KIF1A: variants seen among roughly 807,000 people sequenced by gnomAD.
KIF1A encodes kinesin-like protein KIF1A.
Under a neutral mutation model 227.3 loss-of-function variants are expected in KIF1A, and 46 were observed. The observed-to-expected ratio is 0.20, with a 90% CI of 0.16 to 0.26. The LOEUF is 0.26. Among genes scored for constraint, KIF1A ranks in the 10% least tolerant of loss-of-function variants. The pLI, the probability that KIF1A is intolerant of heterozygous loss-of-function variation, is 1.00. For synonymous variants in KIF1A, 1,022 were observed against 1,012.8 expected, an observed-to-expected ratio of 1.01 and a Z score of -0.17; for missense variants, 1,683 against 2,485.9, an observed-to-expected ratio of 0.68 and a Z score of 6.87.
At chr2:240,780,848 C>CCA (rs1372214850) in intron 10 of KIF1A, among the ~76,000 whole-genome samples, 22 of 20,244 alleles carry the variant, frequency 1.1e-3, no homozygotes, top group East Asian at 6.8e-3. Flanking sequence ...ACACACAGCT[C>CCA]CACACACACA....
Position 240,766,889 on chromosome 2 carries a change from G to A in KIF1A, c.1684+26C>T, listed in dbSNP as rs200395499. ...CATCACGGCACAGGGGCATGGGTGC[G>A]GGTAGGGACGGTAGGGTGGTGATAC... On this transcript the variant is annotated intron_variant, in intron 19 of 48. Coordinates refer to ENST00000498729, the MANE Select transcript of KIF1A (RefSeq NM_001244008.2). The surrounding 1 kb of genome is among the most constrained non-coding windows in gnomAD (Gnocchi z 5.0). The A allele has an allele frequency of 7.0e-5, 106 of 1,512,102 alleles. No homozygotes were observed. The Admixed American group carries it at 8.3e-4, about 12-fold the overall frequency. The allele number at this position is 1,512,102 out of a possible 1,614,324, so 93.7% of individuals were successfully genotyped here. A position where few individuals can be genotyped will look rare whatever the true frequency, so the allele number is the denominator to read the frequency against.
Position 240,757,388 on chromosome 2 carries a change from G to A in KIF1A, c.2789C>T (p.Pro930Leu), listed in dbSNP as rs776565261. Residue 930 changes from proline (P) to leucine (L), a missense_variant, in exon 27 of 49, where the codon CCG becomes CTG. Transcript: ENST00000498729. This position sits in a 1 kb window ranked among gnomAD's most constrained non-coding sequence, Gnocchi z 6.2. Reference sequence around the variant, plus strand: ...CCGGCCGTCGCACAGCGCGTGCTCCGGAAAGACGTCGTCCTCCAGGTCCTC... The same window carrying A: ...CCGGCCGTCGCACAGCGCGTGCTCCAGAAAGACGTCGTCCTCCAGGTCCTC... ...EEEDLEDDVF[P>L]EHALCDGRDP... 12 of 1,549,860 alleles carry A rather than the reference G, an allele frequency of 7.7e-6. No homozygotes were observed. Among genetic ancestry groups the A allele is most frequent in the African/African-American group, 2.8e-5 (2 of 72,684 alleles).
At chr2:240,755,054 C>T (rs1157823520) in intron 27 of KIF1A, among the ~76,000 whole-genome samples, 1 of 152,246 alleles carries the variant, frequency 6.6e-6, no homozygotes, top group African/African-American at 2.4e-5. Context: ...CCCACCCTTC[C>T]TGTGTTTCCT....
Position 240,766,489 on chromosome 2 carries a change from G to T in KIF1A, c.1684+426C>A, listed in dbSNP as rs1161753023. Among the ~76,000 whole-genome samples the T allele has an allele frequency of 6.6e-6, 1 of 152,076 alleles. No homozygotes were observed. Among genetic ancestry groups the T allele is most frequent in the Admixed American group, 6.6e-5 (1 of 15,256 alleles). ...GAAATAGTTTTCCACCCTAGATCTG[G>T]GCTCAATCCTCATGGCTCACTGTCC... On this transcript the variant is annotated intron_variant, in intron 19 of 48. Transcript: ENST00000498729. The surrounding 1 kb of genome is among the most constrained non-coding windows in gnomAD (Gnocchi z 5.0).
At chr2:240,745,567 G>T (rs1050556934) in intron 31 of KIF1A, 50 bp from the exon 32 acceptor site, 1 of 1,536,176 alleles carries the variant, frequency 6.5e-7, no homozygotes, top group Non-Finnish European at 8.9e-7. Context: ...CTTGGGATGA[G>T]ACCTTACCAG....
chr2:240,768,194 A>AC, intron 17 of KIF1A, among the ~76,000 whole-genome samples: 1 of 152,200 alleles, frequency 6.6e-6, no homozygotes, highest in Middle Eastern at 3.4e-3. Context: ...ATAAAGCTGC[A>AC]CCCCTGGAGT....
intron 1 of KIF1A, among the ~76,000 whole-genome samples, chr2:240,816,021 G>A (rs1025084104): frequency 3.3e-5 from 5 of 152,168 alleles, no homozygotes; most frequent in Admixed American, 6.5e-5. Flanking sequence ...AATCTGAGGG[G>A]TAGGGGTGAC....
intron 14 of KIF1A, among the ~76,000 whole-genome samples, chr2:240,771,980 C>A (rs180690046): frequency 6.6e-6 from 1 of 152,346 alleles, no homozygotes; most frequent in African/African-American, 2.4e-5. Context: ...GGGCGCCCTG[C>A]AGCCAAGCTC....
intron 4 of KIF1A, among the ~76,000 whole-genome samples, 153 bp downstream of exon 4, chr2:240,787,898 T>G (rs922055725): frequency 3.9e-5 from 6 of 152,116 alleles, no homozygotes; most frequent in African/African-American, 1.2e-4. Context: ...GGCTCTCACC[T>G]GCCCCAGCCC....
intron 10 of KIF1A, among the ~76,000 whole-genome samples, chr2:240,781,463 CCA>C (rs34158686): frequency 0.025 from 720 of 28,530 alleles, 58 homozygotes; most frequent in Non-Finnish European, 0.033. Context: ...ACACACAGCT[CCA>C]CACACACACA....
chr2:240,740,637 C>T lies in KIF1A; in HGVS notation c.3750-273G>A, dbSNP rs1419235294. ...ACAGCCTGGCCCCTCTGGGCTGGAT[C>T]TTTGTAAGTTCCCAAGGGTCCTCTG... On this transcript the variant is annotated intron_variant, in intron 35 of 48. Coordinates refer to ENST00000498729, the MANE Select transcript of KIF1A (RefSeq NM_001244008.2). This position sits in a 1 kb window ranked among gnomAD's most constrained non-coding sequence, Gnocchi z 6.1. 3.3e-5 allele frequency among the ~76,000 whole-genome samples: 5 copies of T among 152,096 alleles called. No individual in the cohort carries two copies. The highest frequency in any genetic ancestry group is 1.2e-4 in the African/African-American group (5 of 41,402).
intron 2 of KIF1A, among the ~76,000 whole-genome samples, chr2:240,797,369 A>G (rs1559538577): frequency 6.6e-6 from 1 of 152,144 alleles, no homozygotes; most frequent in Non-Finnish European, 1.5e-5. Flanking sequence ...AAGGCAGGAA[A>G]GGTCCTCCCT....
chr2:240,763,151 T>A lies in KIF1A; in HGVS notation c.1949+15A>T, dbSNP rs1231326528. 6.2e-7 allele frequency: 1 copy of A among 1,605,954 alleles called. No homozygotes were observed. Among genetic ancestry groups the A allele is most frequent in the Non-Finnish European group, 8.5e-7 (1 of 1,178,448 alleles). On this transcript the variant is annotated intron_variant, in intron 21 of 48. Transcript: ENST00000498729. Reference sequence around the variant, plus strand: ...AGGAGGGGCAGCAGGCAGTTGGGGGTGGCCTCCGCCTCACCTCTGCTCCAT... The same window carrying A: ...AGGAGGGGCAGCAGGCAGTTGGGGGAGGCCTCCGCCTCACCTCTGCTCCAT...
rs1346276821 is a variant in KIF1A at position 240,747,334 on chromosome 2, CAG to C, written c.2978-15_2978-14del. The C allele has an allele frequency of 6.2e-7, 1 of 1,610,180 alleles. No homozygotes were observed. Among genetic ancestry groups the C allele is most frequent in the Non-Finnish European group, 8.5e-7 (1 of 1,177,116 alleles). On this transcript the variant is annotated splice_polypyrimidine_tract_variant and intron_variant, in intron 28 of 48. Transcript: ENST00000498729. ...GCCTCTTCATCGGCTGCAGGAGAAA[CAG>C]AGCAAATGGTTGGAGCCCAGCTTGT...
At chr2:240,791,966 G>A (rs1214246447) in intron 2 of KIF1A, among the ~76,000 whole-genome samples, 1 of 150,204 alleles carries the variant, frequency 6.7e-6, no homozygotes, top group East Asian at 2.0e-4. Context: ...TACCCTGCCG[G>A]CAACCCCACT....
intron 38 of KIF1A, among the ~76,000 whole-genome samples, chr2:240,735,606 C>A (rs1410608176): frequency 6.6e-6 from 1 of 152,296 alleles, no homozygotes; most frequent in South Asian, 2.1e-4. Flanking sequence ...ATGGCAGACC[C>A]GCCCTTCCGG....
intron 1 of KIF1A, among the ~76,000 whole-genome samples, chr2:240,817,368 C>A (rs886976997): frequency 4.6e-5 from 7 of 152,148 alleles, no homozygotes; most frequent in Non-Finnish European, 8.8e-5. Flanking sequence ...GGGTGGTGAG[C>A]CACATCCTTT....
intron 1 of KIF1A, among the ~76,000 whole-genome samples, chr2:240,805,026 G>A (rs571075693): frequency 3.6e-5 from 5 of 137,986 alleles, no homozygotes; most frequent in Non-Finnish European, 7.8e-5. Context: ...GGAAGGGAAG[G>A]GGAGGGGAGG....
chr2:240,817,942 A>G (rs536961972), intron 1 of KIF1A, among the ~76,000 whole-genome samples: 2 of 152,214 alleles, frequency 1.3e-5, no homozygotes, highest in Non-Finnish European at 2.9e-5. Flanking sequence ...GATCCAGCCA[A>G]GCATCATCCC....
Sources: gnomAD v4.1 joint callset for allele counts (sites outside exome capture counted in the v4.1 genomes callset) on GRCh38, gnomAD v4.1.1 for gene constraint, Gnocchi (gnomAD v3.1) non-coding constraint, MANE v1.5 for transcripts, NCBI Gene and HGNC (gene_info 2026-07-23, HGNC 2026-07-21) for gene names.